The following ALCAM variants were observed in gnomAD, a reference collection of about 807,000 sequenced individuals.
ALCAM encodes CD166 antigen.
ALCAM carries 30 observed loss-of-function variants against 70.9 expected under a neutral mutation model. The observed-to-expected ratio is 0.42, with a 90% CI of 0.32 to 0.57. The LOEUF is 0.57. ALCAM is among the 20% of genes least tolerant of loss of function. The pLI is 0.11. For missense variants in ALCAM, 591 were observed against 695.1 expected (o/e 0.85, Z 1.68); for synonymous variants, 249 against 242.5 (o/e 1.03, Z -0.25).
chr3:105,514,341 G>A (rs1939324608), intron 1 of ALCAM, among the ~76,000 whole-genome samples: 1 of 151,888 alleles, frequency 6.6e-6, no homozygotes, highest in Non-Finnish European at 1.5e-5. Context: ...ATGGGGCCAA[G>A]GAACCATAAA....
chr3:105,422,438 A>G lies in ALCAM; in HGVS notation c.73+54957A>G, dbSNP rs73179397. On this transcript the variant is annotated intron_variant, in intron 1 of 15. Transcript: ENST00000306107. ...TTTTTACTCCTGGATTTTTATCTGA[A>G]CTAATGCACTTTTTGTATGCCAATT... Among the ~76,000 whole-genome samples, 241 of 151,546 alleles carry G rather than the reference A, an allele frequency of 1.6e-3. 1 individual carries two copies. The highest frequency in any genetic ancestry group is 3.4e-3 in the Middle Eastern group (1 of 292).
At chr3:105,540,981 G>T (rs575406979) in intron 7 of ALCAM, among the ~76,000 whole-genome samples, 1 of 151,966 alleles carries the variant, frequency 6.6e-6, no homozygotes, top group Non-Finnish European at 1.5e-5. Context: ...TTAGGTTTCT[G>T]CTTTGGCTAT....
intron 1 of ALCAM, among the ~76,000 whole-genome samples, chr3:105,425,600 G>A (rs1369040409): frequency 2.0e-5 from 3 of 151,790 alleles, no homozygotes; most frequent in African/African-American, 4.8e-5. Flanking sequence ...AAATTATAGT[G>A]GAAAGTTTTT....
intron 14 of ALCAM, among the ~76,000 whole-genome samples, chr3:105,559,266 A>G (rs1940582497): frequency 6.8e-6 from 1 of 147,832 alleles, no homozygotes; most frequent in Non-Finnish European, 1.5e-5. Flanking sequence ...ACATATTTAT[A>G]TATACATATA....
At chr3:105,553,079 T>C in intron 14 of ALCAM, 1 of 987,236 alleles carries the variant, frequency 1.0e-6, no homozygotes, top group Non-Finnish European at 1.2e-6. Flanking sequence ...TAAGAGTCTA[T>C]ATCAGAGAAA....
chr3:105,438,549 TAATG>T (rs1937103723), intron 1 of ALCAM, among the ~76,000 whole-genome samples: 1 of 152,234 alleles, frequency 6.6e-6, no homozygotes, highest in African/African-American at 2.4e-5. Flanking sequence ...AATTATATGA[TAATG>T]AATTATCTAA....
chr3:105,400,896 T>C (rs1936071779), intron 1 of ALCAM, among the ~76,000 whole-genome samples: 1 of 152,226 alleles, frequency 6.6e-6, no homozygotes, highest in Non-Finnish European at 1.5e-5. Flanking sequence ...ATGGGGAAGG[T>C]AATACCTGTT....
At chr3:105,393,947 A>T (rs1019640030) in intron 1 of ALCAM, among the ~76,000 whole-genome samples, 6 of 151,952 alleles carry the variant, frequency 3.9e-5, no homozygotes, top group Non-Finnish European at 7.4e-5. Flanking sequence ...AAGCTCACTC[A>T]AATATAGATA....
intron 1 of ALCAM, chr3:105,439,632 A>G (rs1937128860): frequency 6.6e-6 from 1 of 152,228 alleles, no homozygotes; most frequent in African/African-American, 2.4e-5. Flanking sequence ...GAAATTTTGA[A>G]GTTCTACCAT....
chr3:105,371,663 A>G (rs185264348), intron 1 of ALCAM, among the ~76,000 whole-genome samples: 74 of 152,156 alleles, frequency 4.9e-4, no homozygotes, highest in Non-Finnish European at 7.9e-4. Context: ...TAAATGCTTT[A>G]TAATCACCAT....
chr3:105,541,002 A>G (rs1269430377), intron 7 of ALCAM, among the ~76,000 whole-genome samples: 4 of 152,058 alleles, frequency 2.6e-5, no homozygotes, highest in African/African-American at 7.2e-5. Context: ...CGGGGATGAC[A>G]GAGCCAAATT....
At chr3:105,466,459 C>T (rs1422937189) in intron 1 of ALCAM, among the ~76,000 whole-genome samples, 1 of 151,416 alleles carries the variant, frequency 6.6e-6, no homozygotes, top group Non-Finnish European at 1.5e-5. Context: ...GATTCTGTTC[C>T]TTGTACAAGA....
At chr3:105,490,891 C>G (rs1383011556) in intron 1 of ALCAM, among the ~76,000 whole-genome samples, 1 of 152,184 alleles carries the variant, frequency 6.6e-6, no homozygotes, top group African/African-American at 2.4e-5. Flanking sequence ...CTGAGGGCTG[C>G]AAGATGGTGG....
chr3:105,552,083 G>T, intron 12 of ALCAM, 61 bp from the exon 13 acceptor site: 1 of 1,246,890 alleles, frequency 8.0e-7, no homozygotes, highest in African/African-American at 1.5e-5. Context: ...TAATGGTAAA[G>T]GTGACTTTCA....
intron 3 of ALCAM, 101 bp downstream of exon 3, chr3:105,524,609 G>A (rs967688621): frequency 6.5e-7 from 1 of 1,531,908 alleles, no homozygotes. Flanking sequence ...TGTCTCTATA[G>A]CAGGTATCTA....
chr3:105,375,456 G>T (rs1246457393), intron 1 of ALCAM, among the ~76,000 whole-genome samples: 1 of 152,092 alleles, frequency 6.6e-6, no homozygotes, highest in Non-Finnish European at 1.5e-5. Flanking sequence ...TCATTAATGG[G>T]TTATATGCCC....
At chr3:105,454,262 CA>C (rs1309772755) in intron 1 of ALCAM, among the ~76,000 whole-genome samples, 4 of 152,132 alleles carry the variant, frequency 2.6e-5, no homozygotes, top group African/African-American at 9.7e-5. Flanking sequence ...TGACGAATTG[CA>C]CAAAATTATC....
intron 11 of ALCAM, among the ~76,000 whole-genome samples, chr3:105,548,155 G>A (rs774545075): frequency 1.1e-4 from 17 of 151,374 alleles, no homozygotes; most frequent in Non-Finnish European, 2.2e-4. Context: ...ATAGTAAAGG[G>A]TTAAGGATTT....
intron 1 of ALCAM, among the ~76,000 whole-genome samples, chr3:105,443,707 G>A (rs1937232098): frequency 6.6e-6 from 1 of 152,144 alleles, no homozygotes; most frequent in African/African-American, 2.4e-5. Flanking sequence ...AAAAGGCACA[G>A]GCAGGTTTCA....
Sources: allele counts gnomAD v4.1 joint callset (sites outside exome capture counted in the v4.1 genomes callset), GRCh38; gene constraint gnomAD v4.1.1; transcripts MANE v1.5; gene names NCBI Gene and HGNC (gene_info 2026-07-23, HGNC 2026-07-21).